MYOM2: variants seen among roughly 807,000 people sequenced by gnomAD.
MYOM2 encodes the protein myomesin 2, also known as myomesin-2.
In MYOM2, 254 loss-of-function variants were observed where a neutral mutation model predicts 187.6. The observed-to-expected ratio is 1.35, with a 90% CI of 1.22 to 1.50. The LOEUF (loss-of-function observed/expected upper bound fraction) is 1.50, where lower values mean the gene tolerates loss of function less well. MYOM2 is among the 40% of genes most tolerant of loss of function. The pLI, the probability that MYOM2 is intolerant of heterozygous loss-of-function variation, is 0.00. For missense variants in MYOM2, 2,796 were observed against 1,924.0 expected (o/e 1.45, Z -8.48); for synonymous variants, 981 against 753.8 (o/e 1.30, Z -4.94).
At chr8:2,106,979 T>C (rs760595976) in intron 23 of MYOM2, among the ~76,000 whole-genome samples, 1 of 152,114 alleles carries the variant, frequency 6.6e-6, no homozygotes, top group Non-Finnish European at 1.5e-5. Context: ...AATCAGATGA[T>C]CAAAGAAAAA....
In MYOM2 at chr8:2,123,338, G is replaced by A. The variant is rs1216965526; in HGVS notation, c.3540G>A (p.Arg1180=). The part of the protein sequence containing the change: ...YETETLPNLE[R]GICELLIPKL... ...CGGAGACACTGCCTAACCTGGAGAG[G>A]GGAATCTGTGAGCTCCTCATCCCAA... The change falls in exon 29 of 37, where the codon AGG becomes AGA. Residue 1180 remains arginine (R), a synonymous_variant. Transcript: ENST00000262113. 6.2e-7 allele frequency: 1 copy of A among 1,613,332 alleles called. No homozygotes were observed. Among genetic ancestry groups the A allele is most frequent in the African/African-American group, 1.3e-5 (1 of 74,818 alleles).
At chr8:2,047,051 C>A (rs919119777) in intron 1 of MYOM2, among the ~76,000 whole-genome samples, 1 of 152,158 alleles carries the variant, frequency 6.6e-6, no homozygotes, top group African/African-American at 2.4e-5. Context: ...GTTGCTCAAC[C>A]AGTAAGTATA....
At chr8:2,140,666 A>G (rs1470653330) in intron 32 of MYOM2, 57 bp from the exon 33 acceptor site, 3 of 1,571,672 alleles carry the variant, frequency 1.9e-6, no homozygotes, top group Non-Finnish European at 1.7e-6. Flanking sequence ...CCCTGTAGAC[A>G]TTGTGCGTGT....
At chr8:2,072,870 T>C (rs969584332) in intron 9 of MYOM2, among the ~76,000 whole-genome samples, 6 of 152,184 alleles carry the variant, frequency 3.9e-5, no homozygotes, top group African/African-American at 7.2e-5. Flanking sequence ...CTTAGTCGTA[T>C]TGAGATTCTT....
intron 31 of MYOM2, among the ~76,000 whole-genome samples, chr8:2,125,151 G>A (rs764987137): frequency 6.6e-6 from 1 of 152,102 alleles, no homozygotes; most frequent in Non-Finnish European, 1.5e-5. Flanking sequence ...CTATCCAAGC[G>A]ATCACTGCCC....
intron 14 of MYOM2, among the ~76,000 whole-genome samples, chr8:2,086,531 C>CAT (rs1796080532): frequency 5.9e-5 from 8 of 135,862 alleles, no homozygotes; most frequent in Non-Finnish European, 8.5e-5. Context: ...CCCACACTGT[C>CAT]GTGTTTGCTG....
At chr8:2,121,071 G>A (rs553035606) in intron 28 of MYOM2, among the ~76,000 whole-genome samples, 1 of 152,180 alleles carries the variant, frequency 6.6e-6, no homozygotes, top group South Asian at 2.1e-4. Context: ...CATTTAAAGG[G>A]AAGAATCCTG....
At chr8:2,123,705 A>G (rs969894157) in intron 30 of MYOM2, 63 bp downstream of exon 30, 6 of 1,412,802 alleles carry the variant, frequency 4.2e-6, no homozygotes, top group African/African-American at 1.4e-5. Context: ...GATGGGATGT[A>G]TTCTGAAGGC....
chr8:2,129,874 G>T (rs1288539373), intron 32 of MYOM2, among the ~76,000 whole-genome samples: 13 of 152,080 alleles, frequency 8.5e-5, no homozygotes, highest in Admixed American at 5.2e-4. Context: ...GAATCGAGGA[G>T]TCCCCAAAAC....
At chr8:2,124,137 A>T in intron 30 of MYOM2, 42 bp from the exon 31 acceptor site, 2 of 1,582,758 alleles carry the variant, frequency 1.3e-6, no homozygotes, top group Non-Finnish European at 1.7e-6. Flanking sequence ...CTTTCGGTTA[A>T]AGTTACATGT....
chr8:2,045,137 C>G lies in MYOM2; in HGVS notation c.-44C>G, dbSNP rs905236453. ...TGGTGAGCCGGTGGTCAGGAATTCT[C>G]TCTCCTCCTTGCAATTTTCCTTTCT... On this transcript the variant is annotated 5_prime_UTR_variant, in exon 1 of 37. Coordinates refer to ENST00000262113, the MANE Select transcript of MYOM2 (RefSeq NM_003970.4). 1.3e-5 allele frequency: 2 copies of G among 152,424 alleles called. No individual in the cohort carries two copies. The highest frequency in any genetic ancestry group is 4.8e-5 in the African/African-American group (2 of 41,388). 9.4% of individuals were successfully genotyped at this position (152,424 alleles called of 1,614,324 possible). A position where few individuals can be genotyped will look rare whatever the true frequency, so the allele number is the denominator to read the frequency against.
chr8:2,068,428 T>C (rs943410041), intron 6 of MYOM2, among the ~76,000 whole-genome samples: 14 of 142,898 alleles, frequency 9.8e-5, no homozygotes, highest in Admixed American at 6.2e-4. Flanking sequence ...GAGAGCATCC[T>C]GGGGACAGCT....
intron 13 of MYOM2, among the ~76,000 whole-genome samples, chr8:2,084,587 C>A (rs114317155): frequency 6.6e-5 from 10 of 152,190 alleles, no homozygotes; most frequent in Admixed American, 5.9e-4. Flanking sequence ...GAAATCCCCA[C>A]ACCTCATAGT....
At chr8:2,089,977 C>G in intron 14 of MYOM2, 31 bp from the exon 15 acceptor site, 1 of 1,609,654 alleles carries the variant, frequency 6.2e-7, no homozygotes, top group Non-Finnish European at 8.5e-7. Context: ...GCGGTTTTCA[C>G]TGCCAGTCTC....
At chr8:2,085,071 C>A in intron 13 of MYOM2, 192 bp from the exon 14 acceptor site, 1 of 629,328 alleles carries the variant, frequency 1.6e-6, no homozygotes, top group Non-Finnish European at 2.7e-6. Flanking sequence ...GGAAGCAAAA[C>A]TAACTGGCTG....
chr8:2,089,987 C>G, intron 14 of MYOM2, 21 bp from the exon 15 acceptor site: 5 of 1,611,576 alleles, frequency 3.1e-6, no homozygotes, highest in Non-Finnish European at 4.2e-6. Context: ...CTGCCAGTCT[C>G]GTTTCTGTTT....
intron 6 of MYOM2, among the ~76,000 whole-genome samples, chr8:2,065,101 T>C (rs994214903): frequency 1.3e-5 from 2 of 152,238 alleles, no homozygotes; most frequent in Non-Finnish European, 2.9e-5. Flanking sequence ...GTACATTGTT[T>C]TATTTAATCA....
chr8:2,127,889 CTCTT>C (rs2116876127), intron 31 of MYOM2: 1 of 152,864 alleles, frequency 6.5e-6, no homozygotes, highest in East Asian at 1.9e-4. Flanking sequence ...TTGGTTGGTG[CTCTT>C]TCTTTCCTCA....
In MYOM2 at chr8:2,085,286, C is replaced by T. The variant is rs151039769; in HGVS notation, c.1540C>T (p.Pro514Ser). ...LEGDAQVPGPPTGVHASEISR... is the reference protein window; with the variant it reads ...LEGDAQVPGPSTGVHASEISR... ...AGGTGACGCCCAGGTTCCAGGGCCT[C>T]CCACCGGTGTGCACGCTTCCGAGAT... Residue 514 changes from proline (P) to serine (S), a missense_variant, in exon 14 of 37, where the codon CCC becomes TCC. Coordinates refer to ENST00000262113, the MANE Select transcript of MYOM2 (RefSeq NM_003970.4). 1.7e-5 allele frequency: 27 copies of T among 1,614,126 alleles called. No individual in the cohort carries two copies. In the African/African-American group the frequency reaches 2.5e-4, roughly 15 times the overall value.
Sources: gnomAD v4.1 joint callset for allele counts (sites outside exome capture counted in the v4.1 genomes callset) on GRCh38, gnomAD v4.1.1 for gene constraint, MANE v1.5 for transcripts, NCBI Gene and HGNC (gene_info 2026-07-23, HGNC 2026-07-21) for gene names.